Variants in NR3C2 observed in about 807,000 individuals in gnomAD.
The protein encoded by NR3C2 is mineralocorticoid receptor.
Under a neutral mutation model 86.4 loss-of-function variants are expected in NR3C2, and 15 were observed. That is an observed-to-expected ratio of 0.17 (90% CI 0.12 to 0.27). NR3C2 has a LOEUF of 0.27. NR3C2 is among the 10% of genes least tolerant of loss of function. The pLI, the probability that NR3C2 is intolerant of heterozygous loss-of-function variation, is 1.00. For missense variants in NR3C2, 960 were observed against 1,195.6 expected (o/e 0.80, Z 2.91); for synonymous variants, 458 against 450.5 (o/e 1.02, Z -0.21).
intron 2 of NR3C2, among the ~76,000 whole-genome samples, chr4:148,313,179 C>T (rs1247177636): frequency 1.3e-5 from 2 of 152,160 alleles, no homozygotes; most frequent in Non-Finnish European, 2.9e-5. Flanking sequence ...CCTTGGGCTA[C>T]AGTCCAACAG....
chr4:148,402,964 G>C (rs886831828), intron 2 of NR3C2, among the ~76,000 whole-genome samples: 1 of 151,820 alleles, frequency 6.6e-6, no homozygotes, highest in African/African-American at 2.4e-5. Context: ...TTTGTAATGA[G>C]GAGCAATAGG....
chr4:148,266,312 C>G (rs1291677921), intron 2 of NR3C2, among the ~76,000 whole-genome samples: 4 of 152,146 alleles, frequency 2.6e-5, no homozygotes. Context: ...ACCTTGTAAT[C>G]TGCCCGCCTC....
At chr4:148,232,137 G>A (rs1215693176) in intron 3 of NR3C2, among the ~76,000 whole-genome samples, 3 of 152,224 alleles carry the variant, frequency 2.0e-5, no homozygotes, top group African/African-American at 7.2e-5. Context: ...CCCATGAATC[G>A]TTTATGTTTT....
At chr4:148,090,751 A>G (rs1427774897) in intron 8 of NR3C2, among the ~76,000 whole-genome samples, 1 of 152,214 alleles carries the variant, frequency 6.6e-6, no homozygotes, top group South Asian at 2.1e-4. Flanking sequence ...ACACTACTCA[A>G]TAACAATGCA....
intron 2 of NR3C2, among the ~76,000 whole-genome samples, chr4:148,304,685 A>G (rs2149927329): frequency 6.6e-6 from 1 of 152,220 alleles, no homozygotes; most frequent in East Asian, 1.9e-4. Context: ...AGAGGGGGGA[A>G]TGATAGATGC....
intron 2 of NR3C2, among the ~76,000 whole-genome samples, chr4:148,388,841 C>T (rs1232106184): frequency 6.6e-6 from 1 of 152,164 alleles, no homozygotes; most frequent in Admixed American, 6.5e-5. Context: ...ACTTTCCCTA[C>T]TCCTCTGTAG....
chr4:148,208,617 T>A, intron 3 of NR3C2: 1 of 152,090 alleles, frequency 6.6e-6, no homozygotes, highest in East Asian at 1.9e-4. Context: ...GATTTCTAAA[T>A]GCAGTCTCCT....
intron 2 of NR3C2, among the ~76,000 whole-genome samples, chr4:148,357,044 A>G (rs1745582884): frequency 6.6e-6 from 1 of 152,122 alleles, no homozygotes; most frequent in African/African-American, 2.4e-5. Context: ...TGACAATTTC[A>G]TATAGGTTGA....
intron 3 of NR3C2, among the ~76,000 whole-genome samples, chr4:148,232,029 T>C (rs1020283757): frequency 2.6e-5 from 4 of 152,214 alleles, no homozygotes; most frequent in African/African-American, 4.8e-5. Flanking sequence ...TGCAGTTACT[T>C]TCTCCAGTGA....
chr4:148,271,782 A>G (rs1579090475), intron 2 of NR3C2, among the ~76,000 whole-genome samples: 1 of 152,180 alleles, frequency 6.6e-6, no homozygotes, highest in East Asian at 1.9e-4. Context: ...TTATTTAAAC[A>G]TTTAATTTAA....
At chr4:148,287,394 T>C (rs1741579643) in intron 2 of NR3C2, among the ~76,000 whole-genome samples, 1 of 152,196 alleles carries the variant, frequency 6.6e-6, no homozygotes, top group Non-Finnish European at 1.5e-5. Context: ...GATCATCATC[T>C]AGTAAGACTG....
intron 4 of NR3C2, among the ~76,000 whole-genome samples, chr4:148,171,473 T>C (rs1200124153): frequency 6.6e-6 from 1 of 152,192 alleles, no homozygotes; most frequent in Non-Finnish European, 1.5e-5. Context: ...ATTTTTTCCT[T>C]GGACAGCGAT....
chr4:148,268,468 C>T (rs909772404), intron 2 of NR3C2, among the ~76,000 whole-genome samples: 2 of 152,130 alleles, frequency 1.3e-5, no homozygotes, highest in African/African-American at 4.8e-5. Context: ...CACCTTACAA[C>T]CTGAGCTGTT....
chr4:148,184,649 T>C (rs1735806073), intron 4 of NR3C2, among the ~76,000 whole-genome samples: 1 of 152,114 alleles, frequency 6.6e-6, no homozygotes, highest in Admixed American at 6.5e-5. Flanking sequence ...AAACATACCT[T>C]CCTAGCAAGT....
At chr4:148,324,074 T>G (rs1265218264) in intron 2 of NR3C2, among the ~76,000 whole-genome samples, 4 of 152,050 alleles carry the variant, frequency 2.6e-5, no homozygotes, top group Non-Finnish European at 5.9e-5. Flanking sequence ...GGTGAGACCA[T>G]CATCTACCAC....
chr4:148,217,955 A>C (rs1179598681), intron 3 of NR3C2, among the ~76,000 whole-genome samples: 1 of 152,244 alleles, frequency 6.6e-6, no homozygotes, highest in Non-Finnish European at 1.5e-5. Context: ...AACCTTTTAA[A>C]ACCAAGGCAA....
At chr4:148,294,664 A>C (rs1741959230) in intron 2 of NR3C2, among the ~76,000 whole-genome samples, 1 of 115,004 alleles carries the variant, frequency 8.7e-6, no homozygotes, top group Admixed American at 1.0e-4. Flanking sequence ...TCCTTCTAAA[A>C]GTCCTCATTG....
At chr4:148,102,873 C>T (rs533506947) in intron 8 of NR3C2, among the ~76,000 whole-genome samples, 5 of 152,136 alleles carry the variant, frequency 3.3e-5, no homozygotes, top group Non-Finnish European at 7.3e-5. Context: ...ATGTAAAGAG[C>T]CCCACACGAC....
At chr4:148,210,146 C>T (rs1004963764) in intron 3 of NR3C2, among the ~76,000 whole-genome samples, 18 of 151,976 alleles carry the variant, frequency 1.2e-4, no homozygotes, top group Admixed American at 6.6e-4. Context: ...AGAAAGAGGC[C>T]GGTTTTGGTG....
Sources: gnomAD v4.1 joint callset for allele counts (sites outside exome capture counted in the v4.1 genomes callset) on GRCh38, gnomAD v4.1.1 for gene constraint, MANE v1.5 for transcripts, NCBI Gene and HGNC (gene_info 2026-07-23, HGNC 2026-07-21) for gene names.